Variants in PRIM2 observed in about 807,000 individuals in gnomAD.
PRIM2 encodes the protein DNA primase subunit 2, also known as DNA primase large subunit.
A neutral mutation model predicts 67.3 loss-of-function variants in PRIM2; 39 were observed. The observed-to-expected ratio is 0.58, with a 90% CI of 0.45 to 0.76. The LOEUF is 0.76. PRIM2 is among the 30% of genes least tolerant of loss of function. The pLI is 0.00. For synonymous variants in PRIM2, 143 were observed against 198.7 expected, an observed-to-expected ratio of 0.72 and a Z score of 2.36; for missense variants, 398 against 598.7, an observed-to-expected ratio of 0.66 and a Z score of 3.50.
intron 12 of PRIM2, among the ~76,000 whole-genome samples, chr6:57,615,829 A>G (rs1477257592): frequency 6.6e-6 from 1 of 152,208 alleles, no homozygotes; most frequent in Non-Finnish European, 1.5e-5. Context: ...AGTAATTGTT[A>G]CAGTGAGCTA....
At chr6:57,434,959 T>G (rs966930283) in intron 7 of PRIM2, 2 of 151,366 alleles carry the variant, frequency 1.3e-5, no homozygotes, top group Non-Finnish European at 2.9e-5. Flanking sequence ...ATTTTTTTTT[T>G]TGTTTTTGTA....
intron 9 of PRIM2, among the ~76,000 whole-genome samples, chr6:57,535,502 G>A (rs1313510732): frequency 2.0e-5 from 3 of 152,128 alleles, no homozygotes; most frequent in Non-Finnish European, 2.9e-5. Context: ...AATTAAAGGG[G>A]ACAATTAGGT....
At position 57,628,483 on chromosome 6, in the gene PRIM2, A is replaced by G. The variant is rs1228732984; in HGVS notation, c.1231-3650A>G. Among the ~76,000 whole-genome samples the G allele has an allele frequency of 2.6e-5, 4 of 152,288 alleles. No individual in the cohort carries two copies. The East Asian group carries it at 7.7e-4, about 29-fold the overall frequency. On this transcript the variant is annotated intron_variant, in intron 12 of 13. Coordinates refer to ENST00000615550, the MANE Select transcript of PRIM2 (RefSeq NM_000947.5). ...TGTGGAGTATTTCAGTTTTTTCTTA[A>G]TACGTTTTTAAAAATTTTTATTTTA...
the PRIM2 span, among the ~76,000 whole-genome samples, chr6:57,294,756 T>G: frequency 6.6e-6 from 1 of 151,802 alleles, no homozygotes; most frequent in Admixed American, 6.6e-5. Context: ...AATACAAAAG[T>G]GTTCATGGTA....
chr6:57,232,906 C>G, the PRIM2 span, among the ~76,000 whole-genome samples: 1 of 152,192 alleles, frequency 6.6e-6, no homozygotes, highest in South Asian at 2.1e-4. Context: ...CTGAGAAGTA[C>G]TAAGGAATTG....
chr6:57,308,878 T>C, the PRIM2 span, among the ~76,000 whole-genome samples: 1 of 152,000 alleles, frequency 6.6e-6, no homozygotes, highest in Admixed American at 6.5e-5. Flanking sequence ...TTTTCTTTTT[T>C]TTAATTTTAC....
intron 13 of PRIM2, among the ~76,000 whole-genome samples, chr6:57,639,584 C>A: frequency 7.2e-6 from 1 of 138,656 alleles, no homozygotes; most frequent in Non-Finnish European, 1.5e-5. Context: ...CCACTGATCC[C>A]ACAGAAATAC....
At chr6:57,477,648 T>G (rs1322097887) in intron 7 of PRIM2, among the ~76,000 whole-genome samples, 1 of 152,196 alleles carries the variant, frequency 6.6e-6, no homozygotes, top group Non-Finnish European at 1.5e-5. Context: ...ACACTACTCG[T>G]AATAGATATT....
intron 7 of PRIM2, among the ~76,000 whole-genome samples, chr6:57,473,974 T>A (rs1773403889): frequency 6.6e-6 from 1 of 151,896 alleles, no homozygotes; most frequent in Non-Finnish European, 1.5e-5. Flanking sequence ...GTGTTTTTCA[T>A]TACATCTTTT....
chr6:57,549,412 C>T lies in PRIM2; in HGVS notation c.1020+11787C>T, dbSNP rs1464759574. ...CAAACCCTGAACTTCCCCCAGTACTCGCAGAAGGAAGACTAGACTTAGTGT... is the reference window on the plus strand; with the variant it reads ...CAAACCCTGAACTTCCCCCAGTACTTGCAGAAGGAAGACTAGACTTAGTGT... On this transcript the variant is annotated intron_variant, in intron 10 of 13. Coordinates refer to ENST00000615550, the MANE Select transcript of PRIM2 (RefSeq NM_000947.5). 8.9e-3 allele frequency among the ~76,000 whole-genome samples: 1,354 copies of T among 152,116 alleles called. 26 individuals are homozygous for T. The highest frequency in any genetic ancestry group is 0.031 in the African/African-American group (1,274 of 41,480).
intron 12 of PRIM2, among the ~76,000 whole-genome samples, chr6:57,622,613 T>A (rs1776879416): frequency 6.6e-6 from 1 of 152,232 alleles, no homozygotes; most frequent in Non-Finnish European, 1.5e-5. Context: ...CATTTTAGTT[T>A]TTTTAATAGA....
chr6:57,539,273 A>T lies in PRIM2; in HGVS notation c.1020+1648A>T, dbSNP rs1288533731. ...TTTGAAATAATTACTGTCAACATTG[A>T]AGCCTTTTACTCTAGTCTACAGAAC... On this transcript the variant is annotated intron_variant, in intron 10 of 13. Transcript: ENST00000615550. Among the ~76,000 whole-genome samples the T allele has an allele frequency of 1.4e-3, 212 of 152,288 alleles. 5 individuals are homozygous for T. The East Asian group carries it at 0.019, about 14-fold the overall frequency.
chr6:57,223,183 A>G, the PRIM2 span, among the ~76,000 whole-genome samples: 29 of 152,252 alleles, frequency 1.9e-4, no homozygotes, highest in Non-Finnish European at 3.4e-4. Flanking sequence ...TGCCCAGCAT[A>G]AAAAGACAAC....
intron 5 of PRIM2, among the ~76,000 whole-genome samples, chr6:57,347,099 C>T (rs1768701999): frequency 6.6e-6 from 1 of 152,130 alleles, no homozygotes; most frequent in Non-Finnish European, 1.5e-5. Flanking sequence ...GCTTTGTTTC[C>T]TGTTCATCTC....
At chr6:57,488,186 T>TC (rs1562774379) in intron 7 of PRIM2, among the ~76,000 whole-genome samples, 1 of 152,226 alleles carries the variant, frequency 6.6e-6, no homozygotes, top group Non-Finnish European at 1.5e-5. Flanking sequence ...TATATTAAAA[T>TC]CCCTAGTATG....
intron 4 of PRIM2, among the ~76,000 whole-genome samples, chr6:57,324,778 C>T (rs1409457855): frequency 6.6e-6 from 1 of 151,950 alleles, no homozygotes; most frequent in Non-Finnish European, 1.5e-5. Flanking sequence ...ATTGTTTTTC[C>T]CTCACATGTT....
chr6:57,446,411 G>A (rs1772365704), intron 7 of PRIM2, among the ~76,000 whole-genome samples: 1 of 53,084 alleles, frequency 1.9e-5, no homozygotes, highest in Admixed American at 1.7e-4. Flanking sequence ...CCTGGCACAC[G>A]CCACTTCTTT....
chr6:57,474,464 G>A (rs1773425957), intron 7 of PRIM2, among the ~76,000 whole-genome samples: 1 of 152,110 alleles, frequency 6.6e-6, no homozygotes, highest in East Asian at 1.9e-4. Context: ...GTGAGCCACC[G>A]CGCCCAGCTT....
intron 12 of PRIM2, among the ~76,000 whole-genome samples, chr6:57,631,124 A>AT (rs1251426336): frequency 9.9e-5 from 15 of 152,144 alleles, no homozygotes; most frequent in African/African-American, 3.4e-4. Context: ...TCTGTAACTA[A>AT]TTTTTTTGTG....
Sources: allele counts gnomAD v4.1 joint callset (sites outside exome capture counted in the v4.1 genomes callset), GRCh38; gene constraint gnomAD v4.1.1; transcripts MANE v1.5; gene names NCBI Gene and HGNC (gene_info 2026-07-23, HGNC 2026-07-21).